SNX24: variants seen among roughly 807,000 people sequenced by gnomAD.
SNX24 encodes sorting nexin-24.
Under a neutral mutation model 28.7 loss-of-function variants are expected in SNX24, and 22 were observed. The ratio of observed to expected loss-of-function variants is 0.77; its 90% confidence interval spans 0.55 to 1.10. The LOEUF is 1.10. SNX24 is among the 50% of genes least tolerant of loss of function. The pLI is 0.00. For missense variants in SNX24, 221 were observed against 201.1 expected (o/e 1.10, Z -0.60); for synonymous variants, 69 against 71.5 (o/e 0.96, Z 0.18).
chr5:122,852,629 C>T (rs1358949939), intron 1 of SNX24, among the ~76,000 whole-genome samples: 3 of 152,160 alleles, frequency 2.0e-5, no homozygotes, highest in East Asian at 3.8e-4. Context: ...AGGCATGAGC[C>T]ACCATGCCCA....
intron 3 of SNX24, among the ~76,000 whole-genome samples, chr5:122,989,433 C>T (rs1460197091): frequency 1.5e-5 from 2 of 137,926 alleles, no homozygotes; most frequent in Non-Finnish European, 3.0e-5. Flanking sequence ...CCTGACCAGT[C>T]ACTTTAAGGA....
intron 1 of SNX24, among the ~76,000 whole-genome samples, chr5:122,855,506 C>T (rs1755144781): frequency 6.6e-6 from 1 of 152,158 alleles, no homozygotes. Context: ...GGTGTCTGGG[C>T]ATGGTGGCTC....
At chr5:123,026,012 G>C (rs753433436) in intron 5 of SNX24, 4 of 1,519,108 alleles carry the variant, frequency 2.6e-6, no homozygotes, top group Middle Eastern at 1.8e-4. Context: ...TCTTCCAAAA[G>C]TCAGCTCTTC....
rs574162236 is a variant in SNX24 at position 122,895,031 on chromosome 5, A to G, written c.61-41703A>G. On this transcript the variant is annotated intron_variant, in intron 1 of 6. Transcript: ENST00000261369. Reference sequence around the variant, plus strand: ...TACTTTTTTTTTTTTTTTTAAACAGAGCACTTTCTAAAGGTAAAATATAGG... The same window carrying G: ...TACTTTTTTTTTTTTTTTTAAACAGGGCACTTTCTAAAGGTAAAATATAGG... Among the ~76,000 whole-genome samples the G allele has an allele frequency of 9.4e-5, 14 of 149,602 alleles. No homozygotes were observed. The East Asian group carries it at 2.7e-3, about 29-fold the overall frequency.
chr5:122,875,246 A>C lies in SNX24; in HGVS notation c.60+29553A>C, dbSNP rs558086237. Among the ~76,000 whole-genome samples the C allele has an allele frequency of 4.6e-5, 7 of 152,340 alleles. No homozygotes were observed. The South Asian group carries it at 1.5e-3, about 32-fold the overall frequency. ...TATTTCTTATATGTGCCCAGTAGAG[A>C]CACTGTATTAAAACTGATTAATGAT... is the stretch of plus-strand genomic sequence containing the variant. On this transcript the variant is annotated intron_variant, in intron 1 of 6. Transcript: ENST00000261369.
intron 1 of SNX24, among the ~76,000 whole-genome samples, chr5:122,884,377 G>A (rs1016126444): frequency 1.6e-4 from 23 of 145,672 alleles, no homozygotes; most frequent in Admixed American, 5.0e-4. Context: ...TCAGACTCCC[G>A]AATAGTTGGG....
At chr5:122,863,767 C>G (rs1755592524) in intron 1 of SNX24, among the ~76,000 whole-genome samples, 1 of 152,164 alleles carries the variant, frequency 6.6e-6, no homozygotes, top group Non-Finnish European at 1.5e-5. Flanking sequence ...GTTGCCAAGG[C>G]TGGTCTCAAA....
chr5:122,962,418 A>G (rs1014421134), intron 3 of SNX24, among the ~76,000 whole-genome samples: 2 of 152,238 alleles, frequency 1.3e-5, no homozygotes, highest in African/African-American at 4.8e-5. Flanking sequence ...TTTAAATGAT[A>G]TGTACTTCAC....
At chr5:122,905,446 C>T (rs967388167) in intron 1 of SNX24, among the ~76,000 whole-genome samples, 1 of 152,186 alleles carries the variant, frequency 6.6e-6, no homozygotes, top group Non-Finnish European at 1.5e-5. Context: ...TAATTTACTA[C>T]TTAACTGCAT....
chr5:122,911,001 G>C (rs1165950784), intron 1 of SNX24, among the ~76,000 whole-genome samples: 2 of 152,148 alleles, frequency 1.3e-5, no homozygotes, highest in East Asian at 3.9e-4. Flanking sequence ...GGATGGCTGG[G>C]TCAAATGGTA....
At position 123,004,970 on chromosome 5, in the gene SNX24, A is replaced by T. The variant is rs3756356; in HGVS notation, c.443-2712A>T. On this transcript the variant is annotated intron_variant, in intron 6 of 6. Coordinates refer to ENST00000261369, the MANE Select transcript of SNX24 (RefSeq NM_014035.4). The stretch of plus-strand genomic sequence containing the variant: ...TTCCTTCTCATCACCTCTCAATGAG[A>T]ATCAAAGTCAAGGACAGTTTACTGA... Among the ~76,000 whole-genome samples, 525 of 152,348 alleles carry T rather than the reference A, an allele frequency of 3.4e-3. 22 individuals carry two copies. In the East Asian group the frequency reaches 0.086, roughly 25 times the overall value.
At chr5:122,846,011 T>C (rs1031571777) in intron 1 of SNX24, among the ~76,000 whole-genome samples, 4 of 152,196 alleles carry the variant, frequency 2.6e-5, no homozygotes, top group African/African-American at 9.6e-5. Context: ...GCTGCGTTCC[T>C]TTCTGGCACA....
chr5:122,999,477 C>CACACAT (rs576914184), intron 3 of SNX24, among the ~76,000 whole-genome samples: 7 of 151,842 alleles, frequency 4.6e-5, no homozygotes, highest in Non-Finnish European at 1.0e-4. Flanking sequence ...CACACACACA[C>CACACAT]ATGTATACAT....
At chr5:122,862,928 A>G (rs979618277) in intron 1 of SNX24, among the ~76,000 whole-genome samples, 7 of 152,160 alleles carry the variant, frequency 4.6e-5, no homozygotes, top group African/African-American at 1.7e-4. Flanking sequence ...TATAAAGTTC[A>G]TTGTAGCATT....
At chr5:122,986,744 T>C (rs1363605326) in intron 3 of SNX24, among the ~76,000 whole-genome samples, 1 of 151,544 alleles carries the variant, frequency 6.6e-6, no homozygotes, top group African/African-American at 2.4e-5. Flanking sequence ...TAAGGGATTT[T>C]TTTTTTCCTG....
chr5:122,875,634 A>ATTT (rs1756189956), intron 1 of SNX24, among the ~76,000 whole-genome samples: 1 of 152,258 alleles, frequency 6.6e-6, no homozygotes, highest in African/African-American at 2.4e-5. Context: ...GCACGTATCA[A>ATTT]GTTGGTGCAA....
intron 1 of SNX24, among the ~76,000 whole-genome samples, chr5:122,887,079 A>G (rs1361126260): frequency 6.6e-6 from 1 of 152,158 alleles, no homozygotes; most frequent in Non-Finnish European, 1.5e-5. Context: ...AGTATAGTTT[A>G]TTAATTGAAA....
intron 3 of SNX24, among the ~76,000 whole-genome samples, chr5:122,992,250 G>C (rs76355830): frequency 0.013 from 2,036 of 152,284 alleles, 40 homozygotes; most frequent in African/African-American, 0.032. Context: ...CCCTGGATCT[G>C]ATGAACACTA....
At chr5:122,935,169 G>T (rs1759129151) in intron 1 of SNX24, among the ~76,000 whole-genome samples, 1 of 152,150 alleles carries the variant, frequency 6.6e-6, no homozygotes. Context: ...TCAGCAGATG[G>T]AAACTACTTT....
Sources: gnomAD v4.1 joint callset for allele counts (sites outside exome capture counted in the v4.1 genomes callset) on GRCh38, gnomAD v4.1.1 for gene constraint, MANE v1.5 for transcripts, NCBI Gene and HGNC (gene_info 2026-07-23, HGNC 2026-07-21) for gene names.